Variants in LRRC9 observed in about 807,000 individuals in gnomAD.
LRRC9 encodes the protein leucine-rich repeat-containing protein 9.
Under a neutral mutation model 63.2 loss-of-function variants are expected in LRRC9, and 122 were observed. The observed-to-expected ratio is 1.93, with a 90% CI of 1.67 to 2.24. The LOEUF (loss-of-function observed/expected upper bound fraction) is 2.24. Ranked by LOEUF, LRRC9 falls within the 30% of genes most tolerant of loss-of-function variation. The pLI is 0.00. For missense variants in LRRC9, 1,071 were observed against 627.7 expected, an observed-to-expected ratio of 1.71 and a Z score of -7.55; for synonymous variants, 366 against 213.1, an observed-to-expected ratio of 1.72 and a Z score of -6.25.
intron 26 of LRRC9, among the ~76,000 whole-genome samples, chr14:60,021,966 A>G (rs570429156): frequency 4.5e-4 from 69 of 151,864 alleles, no homozygotes; most frequent in Admixed American, 1.2e-3. Flanking sequence ...AATATTCTAG[A>G]TTCTTTGCAT....
chr14:59,956,521 C>T (rs1444759995), intron 8 of LRRC9, among the ~76,000 whole-genome samples: 4 of 152,120 alleles, frequency 2.6e-5, no homozygotes, highest in African/African-American at 9.7e-5. Flanking sequence ...TATTTTGAGC[C>T]TATGTGTGTC....
At chr14:60,052,826 A>G (rs1893992122) in intron 29 of LRRC9, among the ~76,000 whole-genome samples, 1 of 152,188 alleles carries the variant, frequency 6.6e-6, no homozygotes, top group Non-Finnish European at 1.5e-5. Flanking sequence ...TAGTTAGTGA[A>G]CAATACTGTT....
At chr14:60,044,852 C>T (rs1893273193) in intron 29 of LRRC9, among the ~76,000 whole-genome samples, 1 of 152,072 alleles carries the variant, frequency 6.6e-6, no homozygotes, top group Non-Finnish European at 1.5e-5. Context: ...AACGTTCTGT[C>T]TGGATGATCT....
chr14:59,947,957 G>C (rs1882645678), intron 8 of LRRC9, among the ~76,000 whole-genome samples: 1 of 151,960 alleles, frequency 6.6e-6, no homozygotes, highest in Non-Finnish European at 1.5e-5. Context: ...CTCCAGCTTT[G>C]TTCTTTTGGC....
At chr14:59,951,793 C>A (rs945805330) in intron 8 of LRRC9, among the ~76,000 whole-genome samples, 2 of 152,134 alleles carry the variant, frequency 1.3e-5, no homozygotes, top group Admixed American at 1.3e-4. Context: ...GGGGGGTAGG[C>A]CTCCCAGTTA....
At chr14:59,949,443 T>C (rs1882851930) in intron 8 of LRRC9, among the ~76,000 whole-genome samples, 1 of 149,940 alleles carries the variant, frequency 6.7e-6, no homozygotes, top group African/African-American at 2.5e-5. Flanking sequence ...ATTTTGTTGA[T>C]CCTTTCAAAA....
At chr14:59,949,599 AT>A (rs1411420668) in intron 8 of LRRC9, among the ~76,000 whole-genome samples, 1 of 151,148 alleles carries the variant, frequency 6.6e-6, no homozygotes, top group Non-Finnish European at 1.5e-5. Flanking sequence ...TAGGGTGTCA[AT>A]TTTGGATCTT....
chr14:59,933,399 A>G (rs1224678783), intron 6 of LRRC9, among the ~76,000 whole-genome samples: 1 of 152,214 alleles, frequency 6.6e-6, no homozygotes, highest in African/African-American at 2.4e-5. Context: ...AAGAACATGA[A>G]TGAAAGAGAA....
At chr14:60,022,696 G>T in intron 26 of LRRC9, 38 bp from the exon 27 acceptor site, 1 of 537,388 alleles carries the variant, frequency 1.9e-6, no homozygotes, top group Non-Finnish European at 3.4e-6. Context: ...CTGGTTTGAA[G>T]TTAAGTTTAT....
chr14:59,927,880 A>G lies in LRRC9; in HGVS notation c.-33-31A>G. On this transcript the variant is annotated intron_variant, in intron 1 of 31. Coordinates refer to ENST00000445360, the Ensembl canonical transcript of LRRC9. The surrounding 1 kb of genome is among the most constrained non-coding windows in gnomAD (Gnocchi z 4.4). ...AACTTGGAATGACAATGACTTTAAT[A>G]TTTATTTCATTTTTTCATTTTCCTT... is the stretch of plus-strand genomic sequence containing the variant. The G allele has an allele frequency of 1.6e-6, 1 of 631,056 alleles. No individual in the cohort carries two copies. Among genetic ancestry groups the G allele is most frequent in the East Asian group, 2.8e-5 (1 of 35,750 alleles). 39.1% of individuals were successfully genotyped at this position (631,056 alleles called of 1,614,324 possible).
chr14:60,061,745 C>A (rs537901479), intron 31 of LRRC9, among the ~76,000 whole-genome samples: 49 of 152,266 alleles, frequency 3.2e-4, no homozygotes, highest in Admixed American at 9.2e-4. Context: ...TTACAGCATG[C>A]AGGTTTGGAT....
chr14:60,055,731 TAAA>T (rs755671026), intron 30 of LRRC9, among the ~76,000 whole-genome samples: 2 of 119,582 alleles, frequency 1.7e-5, no homozygotes, highest in Admixed American at 8.5e-5. Flanking sequence ...TGTCTCTATT[TAAA>T]AAAAAAAAAA....
At position 59,964,059 on chromosome 14, in the gene LRRC9, G is replaced by A. The variant is rs189556934; in HGVS notation, c.1212-2530G>A. ...TACCTTCAAGTACCACTGAATGAAT[G>A]AGGGTAAGGTACACAGTTCAGCTGA... On this transcript the variant is annotated intron_variant, in intron 10 of 31. Transcript: ENST00000445360. The surrounding 1 kb of genome is among the most constrained non-coding windows in gnomAD (Gnocchi z 4.4). Among the ~76,000 whole-genome samples, 11 of 152,170 alleles carry A rather than the reference G, an allele frequency of 7.2e-5. No individual in the cohort carries two copies. The highest frequency in any genetic ancestry group is 2.4e-4 in the African/African-American group (10 of 41,450).
At chr14:60,038,608 A>G (rs182282751) in intron 29 of LRRC9, among the ~76,000 whole-genome samples, 2 of 152,308 alleles carry the variant, frequency 1.3e-5, no homozygotes, top group Admixed American at 1.3e-4. Flanking sequence ...ATTTTTGCAC[A>G]TTGATTTTGT....
chr14:59,943,605 T>C (rs1271347628), intron 7 of LRRC9, among the ~76,000 whole-genome samples: 2 of 152,150 alleles, frequency 1.3e-5, no homozygotes, highest in Non-Finnish European at 2.9e-5. Context: ...AACAAACTTT[T>C]TTCTTAACTG....
intron 19 of LRRC9, among the ~76,000 whole-genome samples, chr14:60,001,194 G>GTGTT (rs987892151): frequency 2.0e-5 from 3 of 152,018 alleles, no homozygotes; most frequent in Non-Finnish European, 4.4e-5. Context: ...ATATTTGTGT[G>GTGTT]TGTGTGTGTG....
Position 60,043,607 on chromosome 14 carries a change from G to A in LRRC9, c.3991-9458G>A, listed in dbSNP as rs532609273. Among the ~76,000 whole-genome samples the A allele has an allele frequency of 1.2e-4, 18 of 152,222 alleles. No individual in the cohort carries two copies. In the East Asian group the frequency reaches 3.5e-3, roughly 29 times the overall value. ...ATAACATGTTTATTGATCTGCATAT[G>A]TTGAGCCATCCTTGCATCCCTGAGA... On this transcript the variant is annotated intron_variant, in intron 29 of 31. Coordinates refer to ENST00000445360, the Ensembl canonical transcript of LRRC9.
intron 23 of LRRC9, among the ~76,000 whole-genome samples, chr14:60,011,721 A>C (rs1197504683): frequency 1.3e-5 from 2 of 152,214 alleles, no homozygotes; most frequent in East Asian, 3.8e-4. Context: ...ATGGGAATGC[A>C]TTGGATTTGA....
Position 59,933,550 on chromosome 14 carries a change from C to T in LRRC9, c.543+1511C>T, listed in dbSNP as rs569790590. On this transcript the variant is annotated intron_variant, in intron 6 of 31. Transcript: ENST00000445360. ...TACTGAAGAAAGATAGGTAAATTTA[C>T]TATAGAAATAATTTTGAGTTCATAA... Among the ~76,000 whole-genome samples the T allele has an allele frequency of 6.5e-4, 99 of 152,146 alleles. 1 individual carries two copies. Among genetic ancestry groups the T allele is most frequent in the Non-Finnish European group, 1.1e-3 (77 of 68,006 alleles).
Sources: gnomAD v4.1 joint callset for allele counts (sites outside exome capture counted in the v4.1 genomes callset) on GRCh38, gnomAD v4.1.1 for gene constraint, Gnocchi (gnomAD v3.1) non-coding constraint, MANE v1.5 for transcripts, NCBI Gene and HGNC (gene_info 2026-07-23, HGNC 2026-07-21) for gene names.